Variants in KHDRBS2 observed in about 807,000 individuals in gnomAD.
KHDRBS2 encodes KH domain-containing, RNA-binding, signal transduction-associated protein 2.
A neutral mutation model predicts 44.3 loss-of-function variants in KHDRBS2; 26 were observed. The ratio of observed to expected loss-of-function variants is 0.59; its 90% CI spans 0.43 to 0.81. KHDRBS2 has a LOEUF of 0.81. KHDRBS2 is among the 40% of genes least tolerant of loss of function. The probability of loss-of-function intolerance (pLI) is 0.00; values close to 1 mark genes in which losing one functional copy is unlikely to be tolerated. For synonymous variants in KHDRBS2, 194 were observed against 151.1 expected, an observed-to-expected ratio of 1.28 and a Z score of -2.08; for missense variants, 476 against 433.1, an observed-to-expected ratio of 1.10 and a Z score of -0.88.
the KHDRBS2 span, among the ~76,000 whole-genome samples, chr6:61,604,863 A>C: frequency 6.6e-6 from 1 of 152,120 alleles, no homozygotes; most frequent in South Asian, 2.1e-4. Flanking sequence ...TCCCTTCTGT[A>C]AGACATAATT....
At chr6:62,257,921 G>A (rs552766496) in intron 1 of KHDRBS2, among the ~76,000 whole-genome samples, 1 of 152,034 alleles carries the variant, frequency 6.6e-6, no homozygotes, top group East Asian at 1.9e-4. Context: ...CCCAGCTTCT[G>A]TTCAAGCCTG....
chr6:62,002,753 G>C (rs1481542693), intron 3 of KHDRBS2, among the ~76,000 whole-genome samples: 1 of 151,114 alleles, frequency 6.6e-6, no homozygotes, highest in Non-Finnish European at 1.5e-5. Flanking sequence ...TTACATTTTA[G>C]TCACAAATGT....
At chr6:62,218,113 C>T (rs1830320523) in intron 1 of KHDRBS2, among the ~76,000 whole-genome samples, 1 of 151,718 alleles carries the variant, frequency 6.6e-6, no homozygotes, top group Admixed American at 6.6e-5. Flanking sequence ...ATGTTCATTA[C>T]CTCTCATGCT....
At chr6:61,580,904 G>C in the KHDRBS2 span, among the ~76,000 whole-genome samples, 1 of 152,074 alleles carries the variant, frequency 6.6e-6, no homozygotes, top group Non-Finnish European at 1.5e-5. Context: ...CCACCAGCAG[G>C]AATTAATTCC....
intron 2 of KHDRBS2, among the ~76,000 whole-genome samples, chr6:62,164,741 A>T (rs1227919968): frequency 6.6e-6 from 1 of 151,922 alleles, no homozygotes; most frequent in Non-Finnish European, 1.5e-5. Flanking sequence ...GATATTAATT[A>T]ATTTTGCAAA....
chr6:61,644,593 AC>A, the KHDRBS2 span, among the ~76,000 whole-genome samples: 1 of 152,188 alleles, frequency 6.6e-6, no homozygotes, highest in Non-Finnish European at 1.5e-5. Context: ...ATTACAAGGA[AC>A]TTTGAGCAAA....
the KHDRBS2 span, among the ~76,000 whole-genome samples, chr6:61,610,607 A>G: frequency 6.6e-6 from 1 of 152,156 alleles, no homozygotes; most frequent in Admixed American, 6.5e-5. Flanking sequence ...CACCATGTGG[A>G]CCTCTGCTTA....
the KHDRBS2 span, among the ~76,000 whole-genome samples, chr6:61,580,286 A>T: frequency 2.6e-5 from 4 of 152,168 alleles, no homozygotes; most frequent in Non-Finnish European, 5.9e-5. Flanking sequence ...GTCTAGCTAA[A>T]GGATTATAAA....
At chr6:62,161,575 G>GT (rs888142577) in intron 2 of KHDRBS2, among the ~76,000 whole-genome samples, 1 of 35,614 alleles carries the variant, frequency 2.8e-5, no homozygotes, top group African/African-American at 7.5e-5. Flanking sequence ...GGTATTTGCG[G>GT]GGGGGGGGGG....
Position 61,978,225 on chromosome 6 carries a change from T to A in KHDRBS2, c.337-13A>T. On this transcript the variant is annotated splice_polypyrimidine_tract_variant and intron_variant, in intron 3 of 8. Coordinates refer to ENST00000281156, the MANE Select transcript of KHDRBS2 (RefSeq NM_152688.4). ...TTAGTTCTTCTTCCTGTGAAAAAGGTTATTTTTAGAAATACAAATCCACTC... is the reference window on the plus strand; with the variant it reads ...TTAGTTCTTCTTCCTGTGAAAAAGGATATTTTTAGAAATACAAATCCACTC... 6.3e-7 allele frequency: 1 copy of A among 1,595,772 alleles called. No homozygotes were observed. Among genetic ancestry groups the A allele is most frequent in the Non-Finnish European group, 8.5e-7 (1 of 1,169,888 alleles).
intron 2 of KHDRBS2, among the ~76,000 whole-genome samples, chr6:62,054,730 T>C (rs1293064678): frequency 6.6e-6 from 1 of 151,966 alleles, no homozygotes; most frequent in Non-Finnish European, 1.5e-5. Context: ...GAGCAGATTC[T>C]GCCCTAGAGC....
At chr6:61,777,434 G>A (rs1782249943) in intron 6 of KHDRBS2, among the ~76,000 whole-genome samples, 1 of 152,144 alleles carries the variant, frequency 6.6e-6, no homozygotes, top group African/African-American at 2.4e-5. Flanking sequence ...ACTCAGCAAT[G>A]CTAGAGGAGG....
downstream of KHDRBS2, among the ~76,000 whole-genome samples, chr6:61,676,929 A>C (rs1332574143): frequency 2.0e-5 from 3 of 151,884 alleles, no homozygotes; most frequent in Non-Finnish European, 4.4e-5. Context: ...AGTCTTTTAT[A>C]TCTACTGTTT....
chr6:61,814,497 C>A (rs1410673350), intron 6 of KHDRBS2, among the ~76,000 whole-genome samples: 1 of 136,198 alleles, frequency 7.3e-6, no homozygotes, highest in Admixed American at 7.2e-5. Flanking sequence ...ATCCCAGCTA[C>A]TTGGGATGCT....
chr6:61,767,544 A>C (rs1380613235), intron 6 of KHDRBS2, among the ~76,000 whole-genome samples: 1 of 151,206 alleles, frequency 6.6e-6, no homozygotes, highest in Non-Finnish European at 1.5e-5. Context: ...CCTTTCACCC[A>C]CCTTCCTATT....
chr6:61,671,919 C>T, the KHDRBS2 span, among the ~76,000 whole-genome samples: 1 of 151,660 alleles, frequency 6.6e-6, no homozygotes, highest in Admixed American at 6.6e-5. Context: ...CATATGTATA[C>T]ATGTGCCATG....
Position 61,697,232 on chromosome 6 carries a change from G to A in KHDRBS2, c.915C>T (p.Tyr305=), listed in dbSNP as rs566496895. The change falls in exon 8 of 9, where the codon TAC becomes TAT. Residue 305 remains tyrosine (Y), a synonymous_variant. Transcript: ENST00000281156. ...QTQSVPEYYD[Y]GHGVSEDAYD... The stretch of plus-strand genomic sequence containing the variant: ...AGGCATCCTCACTTACTCCATGACC[G>A]TAGTCATAGTATTCAGGCACACTGC... 17 of 1,608,024 alleles carry A rather than the reference G, an allele frequency of 1.1e-5. No homozygotes were observed. The highest frequency in any genetic ancestry group is 6.7e-5 in the Admixed American group (4 of 59,984).
At chr6:61,965,738 A>G (rs1190570481) in intron 4 of KHDRBS2, among the ~76,000 whole-genome samples, 3 of 152,086 alleles carry the variant, frequency 2.0e-5, no homozygotes, top group Admixed American at 2.0e-4. Context: ...AAGTTGTCCT[A>G]CTTTAGAGGA....
At chr6:61,782,724 T>TACACACACACA (rs1783167962) in intron 6 of KHDRBS2, among the ~76,000 whole-genome samples, 1 of 101,234 alleles carries the variant, frequency 9.9e-6, no homozygotes, top group African/African-American at 4.7e-5. Context: ...TATATATATA[T>TACACACACACA]ATATATATAT....
Sources: gnomAD v4.1 joint callset for allele counts (sites outside exome capture counted in the v4.1 genomes callset) on GRCh38, gnomAD v4.1.1 for gene constraint, MANE v1.5 for transcripts, NCBI Gene and HGNC (gene_info 2026-07-23, HGNC 2026-07-21) for gene names.